TK2: variants seen among roughly 807,000 people sequenced by gnomAD.
TK2 encodes thymidine kinase 2, also known as thymidine kinase 2, mitochondrial.
TK2 carries 35 observed loss-of-function variants against 41.9 expected under a neutral mutation model. The ratio of observed to expected loss-of-function variants is 0.84; its 90% CI spans 0.64 to 1.11. The LOEUF (loss-of-function observed/expected upper bound fraction) is 1.11, where lower values mean the gene tolerates loss of function less well. Among genes scored for constraint, TK2 ranks in the 50% least tolerant of loss-of-function variants. TK2 has a pLI of 0.00. For missense variants in TK2, 320 were observed against 351.1 expected (o/e 0.91, Z 0.71); for synonymous variants, 128 against 129.1 (o/e 0.99, Z 0.06).
chr16:66,549,852 G>A (rs1033205709), intron 1 of TK2, 86 bp downstream of exon 1: 3 of 1,285,214 alleles, frequency 2.3e-6, no homozygotes. Flanking sequence ...AGGCGCTTCG[G>A]GCTCGGGCGG....
intron 6 of TK2, chr16:66,518,164 C>T: frequency 2.3e-6 from 1 of 442,738 alleles, no homozygotes; most frequent in Non-Finnish European, 4.2e-6. Context: ...GACTTTAAAG[C>T]TTGTACCCTG....
chr16:66,514,130 C>T lies in TK2; in HGVS notation c.619-319G>A, dbSNP rs1205703538. On this transcript the variant is annotated intron_variant, in intron 8 of 9. Coordinates refer to ENST00000544898, the MANE Select transcript of TK2 (RefSeq NM_004614.5). The surrounding 1 kb of genome is among the most constrained non-coding windows in gnomAD (Gnocchi z 4.2). ...AAGGCAGGACCCCCTCCCCCTCCCC[C>T]TCTCCCTCTCCCCTTTGCACGGTTT... Among the ~76,000 whole-genome samples, 2 of 150,128 alleles carry T rather than the reference C, an allele frequency of 1.3e-5. No homozygotes were observed. Among genetic ancestry groups the T allele is most frequent in the Non-Finnish European group, 2.9e-5 (2 of 67,974 alleles).
At chr16:66,522,968 C>T (rs989069255) in intron 6 of TK2, among the ~76,000 whole-genome samples, 1 of 152,232 alleles carries the variant, frequency 6.6e-6, no homozygotes, top group African/African-American at 2.4e-5. Flanking sequence ...GGCATAACTG[C>T]AGTTACATTC....
At chr16:66,540,173 C>CTTTTTTTTTTTTTT (rs200305417) in intron 3 of TK2, among the ~76,000 whole-genome samples, 140 of 130,750 alleles carry the variant, frequency 1.1e-3, no homozygotes, top group South Asian at 2.2e-3. Context: ...TTTCTTTTTT[C>CTTTTTTTTTTTTTT]TTTTTTTTTT....
chr16:66,508,154 A>G lies in TK2; in HGVS notation c.*3814T>C, dbSNP rs958300210. The G allele has an allele frequency of 6.6e-6, 1 of 152,252 alleles. No homozygotes were observed. The highest frequency in any genetic ancestry group is 1.5e-5 in the Non-Finnish European group (1 of 68,050). 9.4% of individuals were successfully genotyped at this position (152,252 alleles called of 1,614,324 possible). A position where few individuals can be genotyped will look rare whatever the true frequency, so the allele number is the denominator to read the frequency against. On this transcript the variant is annotated 3_prime_UTR_variant, in exon 10 of 10. Coordinates refer to ENST00000544898, the MANE Select transcript of TK2 (RefSeq NM_004614.5). ...AGTCTTAAAGAAAAAAAAAGAAAAGACACAGAAAGAAATTCAAGACAGCTT... is the reference window on the plus strand; with the variant it reads ...AGTCTTAAAGAAAAAAAAAGAAAAGGCACAGAAAGAAATTCAAGACAGCTT...
At chr16:66,529,131 G>A in intron 5 of TK2, 64 bp from the exon 6 acceptor site, 1 of 1,483,134 alleles carries the variant, frequency 6.7e-7, no homozygotes, top group East Asian at 2.3e-5. Flanking sequence ...GAGGCCTTGA[G>A]AAATGTCTGT....
chr16:66,541,407 G>A (rs11643785), intron 3 of TK2, among the ~76,000 whole-genome samples: 397 of 152,242 alleles, frequency 2.6e-3, no homozygotes, highest in East Asian at 6.8e-3. Context: ...GAAATAAAAT[G>A]TCCTTTTTAT....
chr16:66,518,513 G>C (rs1434043376), intron 6 of TK2, among the ~76,000 whole-genome samples: 1 of 152,204 alleles, frequency 6.6e-6, no homozygotes, highest in Non-Finnish European at 1.5e-5. Flanking sequence ...CTGGGCAACA[G>C]AGTGAGACCC....
At chr16:66,530,965 C>T (rs1032058927) in intron 5 of TK2, among the ~76,000 whole-genome samples, 2 of 152,114 alleles carry the variant, frequency 1.3e-5, no homozygotes, top group Admixed American at 6.5e-5. Context: ...TCAGGTGATC[C>T]GCATGCCTCA....
At chr16:66,537,453 G>A (rs772712907) in intron 3 of TK2, among the ~76,000 whole-genome samples, 7 of 152,352 alleles carry the variant, frequency 4.6e-5, no homozygotes, top group African/African-American at 1.4e-4. Context: ...ACCTGCCTCC[G>A]TTTCCTGCCT....
chr16:66,530,783 T>TTGCACTCAA (rs1378038252), intron 5 of TK2, among the ~76,000 whole-genome samples: 2 of 151,676 alleles, frequency 1.3e-5, no homozygotes, highest in Non-Finnish European at 2.9e-5. Context: ...AGTGGTATGA[T>TTGCACTCAA]CTCAGCTCAC....
chr16:66,534,655 T>TA (rs1284843008), intron 4 of TK2, among the ~76,000 whole-genome samples: 4 of 152,250 alleles, frequency 2.6e-5, no homozygotes, highest in Non-Finnish European at 4.4e-5. Context: ...TTCATCCAGA[T>TA]ATCTGCAGTG....
At chr16:66,547,596 G>GC (rs376537911) in intron 2 of TK2, among the ~76,000 whole-genome samples, 4 of 151,840 alleles carry the variant, frequency 2.6e-5, no homozygotes, top group Admixed American at 2.0e-4. Flanking sequence ...TCAGTCATCA[G>GC]CCCCCCTACT....
At chr16:66,529,665 G>A (rs377688217) in intron 5 of TK2, among the ~76,000 whole-genome samples, 1 of 152,286 alleles carries the variant, frequency 6.6e-6, no homozygotes, top group African/African-American at 2.4e-5. Context: ...GCGTTCCTCT[G>A]GGAAGCAAGA....
intron 3 of TK2, among the ~76,000 whole-genome samples, chr16:66,537,660 G>A (rs971789769): frequency 1.3e-5 from 2 of 152,224 alleles, no homozygotes; most frequent in Non-Finnish European, 2.9e-5. Context: ...GCCTCCATCT[G>A]TGGTCTAGAC....
rs1045822500 is a variant in TK2 at position 66,514,648 on chromosome 16, GC to G, written c.619-838del. Among the ~76,000 whole-genome samples, 1 of 152,168 alleles carries G rather than the reference GC, an allele frequency of 6.6e-6. No individual in the cohort carries two copies. Among genetic ancestry groups the G allele is most frequent in the African/African-American group, 2.4e-5 (1 of 41,446 alleles). On this transcript the variant is annotated intron_variant, in intron 8 of 9. Transcript: ENST00000544898. The surrounding 1 kb of genome is among the most constrained non-coding windows in gnomAD (Gnocchi z 4.2). Reference sequence around the variant, plus strand: ...GGGAAGTGAGGAGCCCCTCTGCCCGGCCACCACCCCGTCTGGGAGGTGTACC... The same window carrying G: ...GGGAAGTGAGGAGCCCCTCTGCCCGGCACCACCCCGTCTGGGAGGTGTACC...
intron 5 of TK2, among the ~76,000 whole-genome samples, chr16:66,530,005 A>T (rs541421934): frequency 1.3e-5 from 2 of 152,340 alleles, no homozygotes; most frequent in Non-Finnish European, 1.5e-5. Flanking sequence ...CTTCCTATTC[A>T]AATATCATTA....
At chr16:66,519,130 T>G (rs1160976334) in intron 6 of TK2, among the ~76,000 whole-genome samples, 1 of 148,686 alleles carries the variant, frequency 6.7e-6, no homozygotes, top group Non-Finnish European at 1.5e-5. Context: ...CCGGGCTAAT[T>G]TTTTGTATTT....
At chr16:66,526,538 C>T (rs1488615997) in intron 6 of TK2, among the ~76,000 whole-genome samples, 1 of 152,158 alleles carries the variant, frequency 6.6e-6, no homozygotes, top group African/African-American at 2.4e-5. Flanking sequence ...TCGCTTGAGC[C>T]CAGGAGTTTG....
Sources: gnomAD v4.1 joint callset for allele counts (sites outside exome capture counted in the v4.1 genomes callset) on GRCh38, gnomAD v4.1.1 for gene constraint, Gnocchi (gnomAD v3.1) non-coding constraint, MANE v1.5 for transcripts, NCBI Gene and HGNC (gene_info 2026-07-23, HGNC 2026-07-21) for gene names.